The following GOLGA4 variants were observed in gnomAD, a reference collection of about 807,000 sequenced individuals.
GOLGA4 encodes the protein golgin subfamily A member 4.
In GOLGA4, 169 loss-of-function variants were observed where a neutral mutation model predicts 265.9. The observed-to-expected ratio is 0.64, with a 90% CI of 0.56 to 0.72. The LOEUF (loss-of-function observed/expected upper bound fraction) is 0.72. Ranked by LOEUF, GOLGA4 falls within the 30% of genes least tolerant of loss-of-function variation. The pLI, the probability that GOLGA4 is intolerant of heterozygous loss-of-function variation, is 0.00. For missense variants in GOLGA4, 2,482 were observed against 2,483.4 expected (o/e 1.00, Z 0.01); for synonymous variants, 923 against 855.8 (o/e 1.08, Z -1.37).
chr3:37,362,237 A>ATTTTT (rs1264069172), intron 23 of GOLGA4, among the ~76,000 whole-genome samples: 1 of 54,388 alleles, frequency 1.8e-5, no homozygotes, highest in African/African-American at 4.9e-5. Context: ...TTATTTATTT[A>ATTTTT]TTATTTTTTT....
In GOLGA4 at chr3:37,324,415, T is replaced by C. The variant is rs1559429786; in HGVS notation, c.2529T>C (p.Ala843=). Residue 843 remains alanine, a synonymous_variant, in exon 14 of 24, where the codon GCT becomes GCC. Transcript: ENST00000361924. The stretch of plus-strand genomic sequence containing the variant: ...GAATTCTTCTTACCAAACAGGTTGC[T>C]GAAGTTGAAGCACAAAAGAAAGATG... The part of the protein sequence containing the change: ...TERILLTKQV[A]EVEAQKKDVC... The C allele has an allele frequency of 3.7e-6, 6 of 1,614,192 alleles. No homozygotes were observed. The highest frequency in any genetic ancestry group is 3.4e-6 in the Non-Finnish European group (4 of 1,180,024).
chr3:37,308,650 C>G lies in GOLGA4; in HGVS notation c.1234+6318C>G, dbSNP rs559756282. Among the ~76,000 whole-genome samples the G allele has an allele frequency of 2.6e-5, 4 of 151,722 alleles. No individual in the cohort carries two copies. The South Asian group carries it at 6.2e-4, about 24-fold the overall frequency. On this transcript the variant is annotated intron_variant, in intron 10 of 23. Transcript: ENST00000361924. ...TATTTTTTTGAGACAGAGTCTCACT[C>G]TGTCGCCCAGGCTGGAGTGCAGTGG...
intron 20 of GOLGA4, among the ~76,000 whole-genome samples, chr3:37,342,012 T>C (rs920718793): frequency 1.3e-5 from 2 of 152,162 alleles, no homozygotes; most frequent in African/African-American, 4.8e-5. Context: ...TGTGGTGCAG[T>C]ATGTACATTA....
intron 10 of GOLGA4, among the ~76,000 whole-genome samples, chr3:37,309,497 G>T (rs2096917254): frequency 6.6e-6 from 1 of 152,214 alleles, no homozygotes; most frequent in South Asian, 2.1e-4. Flanking sequence ...GGAGGTTGCA[G>T]TGAGCCAAGA....
At chr3:37,290,094 G>C (rs1033231487) in intron 5 of GOLGA4, among the ~76,000 whole-genome samples, 7 of 152,150 alleles carry the variant, frequency 4.6e-5, no homozygotes, top group Non-Finnish European at 8.8e-5. Flanking sequence ...TTCTAACTGT[G>C]TAATTTATCA....
chr3:37,266,776 A>T (rs1213323726), intron 2 of GOLGA4: 1 of 734,624 alleles, frequency 1.4e-6, no homozygotes, highest in Non-Finnish European at 2.0e-6. Context: ...GCAACATGCC[A>T]TTATGATTTG....
At chr3:37,340,799 A>G (rs2097031044) in intron 20 of GOLGA4, among the ~76,000 whole-genome samples, 1 of 152,184 alleles carries the variant, frequency 6.6e-6, no homozygotes, top group Non-Finnish European at 1.5e-5. Flanking sequence ...TGGAGGCTGA[A>G]TAGTATTCCA....
chr3:37,260,521 A>G (rs1210784772), intron 2 of GOLGA4, among the ~76,000 whole-genome samples: 1 of 152,154 alleles, frequency 6.6e-6, no homozygotes, highest in African/African-American at 2.4e-5. Context: ...CTGTAATCCC[A>G]GCTACTCAGG....
At chr3:37,307,631 C>CA (rs57627239) in intron 10 of GOLGA4, among the ~76,000 whole-genome samples, 5,918 of 130,218 alleles carry the variant, frequency 0.045, 141 homozygotes, top group African/African-American at 0.064. Flanking sequence ...GTTTCTCAGG[C>CA]AAAAAAAAAA....
At chr3:37,269,141 G>C (rs928659286) in intron 2 of GOLGA4, among the ~76,000 whole-genome samples, 2 of 152,218 alleles carry the variant, frequency 1.3e-5, no homozygotes, top group African/African-American at 4.8e-5. Flanking sequence ...CTTTTAAGTT[G>C]AATATACTTT....
At chr3:37,253,905 A>G (rs1353705594) in intron 2 of GOLGA4, among the ~76,000 whole-genome samples, 1 of 151,726 alleles carries the variant, frequency 6.6e-6, no homozygotes, top group African/African-American at 2.4e-5. Context: ...AATCCCAGCT[A>G]TTTGGGAGGC....
At chr3:37,262,259 A>G (rs993142297) in intron 2 of GOLGA4, among the ~76,000 whole-genome samples, 3 of 152,208 alleles carry the variant, frequency 2.0e-5, no homozygotes, top group Non-Finnish European at 4.4e-5. Flanking sequence ...TAATCTCAGC[A>G]CTTTGGGAGG....
chr3:37,312,366 C>T (rs1430952948), intron 10 of GOLGA4, among the ~76,000 whole-genome samples: 1 of 151,892 alleles, frequency 6.6e-6, no homozygotes, highest in Non-Finnish European at 1.5e-5. Flanking sequence ...TAGTAGTAAG[C>T]GTTCATTATT....
intron 10 of GOLGA4, among the ~76,000 whole-genome samples, chr3:37,315,041 A>C (rs1297243121): frequency 6.6e-6 from 1 of 152,218 alleles, no homozygotes; most frequent in Non-Finnish European, 1.5e-5. Context: ...TAAGAACTTT[A>C]GAGCAAACGA....
intron 1 of GOLGA4, chr3:37,249,956 C>CT (rs1379899577): frequency 6.6e-6 from 1 of 152,178 alleles, no homozygotes; most frequent in African/African-American, 2.4e-5. Context: ...AGATGATGAA[C>CT]TTTATTTGTA....
chr3:37,270,248 C>T (rs2096794966), intron 2 of GOLGA4, among the ~76,000 whole-genome samples: 2 of 145,888 alleles, frequency 1.4e-5, no homozygotes, highest in Admixed American at 1.4e-4. Flanking sequence ...CTTTGTTGCC[C>T]GGGCTGGAGT....
In GOLGA4 at chr3:37,326,815, A is replaced by G. The variant is rs770257651; in HGVS notation, c.4929A>G (p.Lys1643=). ...CAAAATTAGCAGAGTTGAAGAGAAA[A>G]GCTGAACAAAAAATTGCTGCCATTA... ...SAAKLAELKR[K]AEQKIAAIKK... is the part of the protein sequence containing the mutation. The change falls in exon 14 of 24, where the codon AAA becomes AAG. Residue 1643 remains lysine, a synonymous_variant. Coordinates refer to ENST00000361924, the MANE Select transcript of GOLGA4 (RefSeq NM_002078.5). 2 of 1,613,728 alleles carry G rather than the reference A, an allele frequency of 1.2e-6. No individual in the cohort carries two copies. Among genetic ancestry groups the G allele is most frequent in the African/African-American group, 1.3e-5 (1 of 74,924 alleles).
rs1033324716 is a variant in GOLGA4 at position 37,345,248 on chromosome 3, C to T, written c.6473-1945C>T. On this transcript the variant is annotated intron_variant, in intron 20 of 23. Coordinates refer to ENST00000361924, the MANE Select transcript of GOLGA4 (RefSeq NM_002078.5). ...TTGATTGTTCTCAGTAGTAATCTTG[C>T]ACCCCTTTTATTACGTTTATTCTTA... Among the ~76,000 whole-genome samples, 9 of 152,190 alleles carry T rather than the reference C, an allele frequency of 5.9e-5. No homozygotes were observed. In the East Asian group the frequency reaches 1.7e-3, roughly 29 times the overall value.
At chr3:37,303,188 A>G (rs865995663) in intron 10 of GOLGA4, among the ~76,000 whole-genome samples, 37 of 152,234 alleles carry the variant, frequency 2.4e-4, no homozygotes, top group African/African-American at 6.8e-4. Flanking sequence ...TAGGTAGCTG[A>G]GTTTAGACTT....
Sources: gnomAD v4.1 joint callset for allele counts (sites outside exome capture counted in the v4.1 genomes callset) on GRCh38, gnomAD v4.1.1 for gene constraint, MANE v1.5 for transcripts, NCBI Gene and HGNC (gene_info 2026-07-23, HGNC 2026-07-21) for gene names.